PATJ: variants seen among roughly 807,000 people sequenced by gnomAD.
The protein encoded by PATJ is inaD-like protein.
Under a neutral mutation model 224.9 loss-of-function variants are expected in PATJ, and 190 were observed. That is an observed-to-expected ratio of 0.84 (90% confidence interval 0.75 to 0.95). The LOEUF is 0.95. Ranked by LOEUF, PATJ falls within the 40% of genes least tolerant of loss-of-function variation. The pLI is 0.00. For missense variants in PATJ, 2,121 were observed against 2,270.3 expected (o/e 0.93, Z 1.34); for synonymous variants, 769 against 820.3 (o/e 0.94, Z 1.07).
intron 38 of PATJ, 44 bp downstream of exon 38, chr1:62,121,339 A>T (rs1665021977): frequency 9.7e-7 from 1 of 1,034,364 alleles, no homozygotes; most frequent in Non-Finnish European, 1.4e-6. Context: ...CTGTTACCCA[A>T]ATTAAAAAAA....
In PATJ at chr1:61,864,319, C is replaced by A. The variant is rs1665074585; in HGVS notation, c.2521C>A (p.Gln841Lys). 5 of 1,613,680 alleles carry A rather than the reference C, an allele frequency of 3.1e-6. No homozygotes were observed. The highest frequency in any genetic ancestry group is 4.2e-6 in the Non-Finnish European group (5 of 1,179,806). ...LDLGKSFHSQ[Q>K]KEIEQSKEAW... is the part of the protein sequence containing the mutation. ...TCTGGGAAAGTCTTTCCATTCCCAA[C>A]AAAAAGAGATAGAGCAAAGCAAGGA... is the stretch of plus-strand genomic sequence containing the variant. The change falls in exon 20 of 44, where the codon CAA (glutamine) becomes AAA (lysine). Residue 841 changes from glutamine to lysine, a missense_variant. Transcript: ENST00000642238.
At chr1:62,023,352 G>T (rs1303360467) in intron 29 of PATJ, among the ~76,000 whole-genome samples, 2 of 151,688 alleles carry the variant, frequency 1.3e-5, no homozygotes, top group Non-Finnish European at 2.9e-5. Flanking sequence ...TGGTAAACAG[G>T]AAAAAAGAAT....
In PATJ at chr1:61,769,345, G is replaced by A; in HGVS notation, c.447G>A (p.Val149=). 2 of 1,614,004 alleles carry A rather than the reference G, an allele frequency of 1.2e-6. No individual in the cohort carries two copies. Among genetic ancestry groups the A allele is most frequent in the South Asian group, 1.1e-5 (1 of 91,080 alleles). ...RPSTGGLGFS[V]VALRSQNLGK... ...CAACTGGAGGCCTTGGATTCAGTGT[G>A]GTGGCCCTCAGAAGTCAAAATCTCG... Residue 149 remains valine, a synonymous_variant, in exon 5 of 44, where the codon GTG becomes GTA. Transcript: ENST00000642238.
intron 31 of PATJ, among the ~76,000 whole-genome samples, chr1:62,075,146 T>C (rs1658084422): frequency 6.6e-6 from 1 of 152,240 alleles, no homozygotes; most frequent in Non-Finnish European, 1.5e-5. Flanking sequence ...TTTGGGAAAG[T>C]GATTTTAAGT....
At chr1:61,944,196 A>G (rs1268158917) in intron 27 of PATJ, among the ~76,000 whole-genome samples, 1 of 152,244 alleles carries the variant, frequency 6.6e-6, no homozygotes, top group Non-Finnish European at 1.5e-5. Flanking sequence ...CCTCACCAGC[A>G]ACGGAACAAA....
chr1:61,922,831 A>G (rs1166291476), intron 26 of PATJ, among the ~76,000 whole-genome samples: 2 of 152,252 alleles, frequency 1.3e-5, no homozygotes, highest in Non-Finnish European at 2.9e-5. Context: ...ACTGTGCAAC[A>G]ATCTGGGGAT....
chr1:62,154,302 T>C (rs1351042728), intron 43 of PATJ, among the ~76,000 whole-genome samples: 1 of 152,144 alleles, frequency 6.6e-6, no homozygotes, highest in Non-Finnish European at 1.5e-5. Context: ...AGTTTTTTTT[T>C]CTTCTTTGGT....
At position 62,114,114 on chromosome 1, in the gene PATJ, C is replaced by A. The variant is rs202201082; in HGVS notation, c.4523C>A (p.Thr1508Asn). 2 of 1,613,866 alleles carry A rather than the reference C, an allele frequency of 1.2e-6. No homozygotes were observed. Among genetic ancestry groups the A allele is most frequent in the South Asian group, 1.1e-5 (1 of 91,082 alleles). Reference sequence around the variant, plus strand: ...GAAGCCATCACAGCCCTGAGGCAGACCCCCCAGAAGGTGCGGCTGGTGGTG... The same window carrying A: ...GAAGCCATCACAGCCCTGAGGCAGAACCCCCAGAAGGTGCGGCTGGTGGTG... ...HEEAITALRQ[T>N]PQKVRLVVYR... The change falls in exon 35 of 44, where the codon ACC (threonine) becomes AAC (asparagine). Residue 1508 changes from threonine (T) to asparagine (N), a missense_variant. Physicochemically the swap from Thr to Asn is moderately conservative, Grantham distance 65. Coordinates refer to ENST00000642238, the MANE Select transcript of PATJ (RefSeq NM_001350145.3).
At chr1:62,121,080 G>A (rs1450664377) in intron 37 of PATJ, 101 bp from the exon 38 acceptor site, 11 of 706,532 alleles carry the variant, frequency 1.6e-5, no homozygotes, top group Non-Finnish European at 2.6e-5. Context: ...TCTGTTAGAT[G>A]GTTATGGTGA....
intron 29 of PATJ, among the ~76,000 whole-genome samples, chr1:62,035,909 G>A (rs1457674700): frequency 6.6e-6 from 1 of 152,092 alleles, no homozygotes; most frequent in Non-Finnish European, 1.5e-5. Context: ...AGAAATAGGA[G>A]TAAATCAGCC....
chr1:62,160,401 T>G (rs1248126217), intron 43 of PATJ, among the ~76,000 whole-genome samples: 2 of 152,176 alleles, frequency 1.3e-5, no homozygotes, highest in Admixed American at 1.3e-4. Context: ...GATAACAGCT[T>G]TATTGAGATA....
intron 34 of PATJ, among the ~76,000 whole-genome samples, 187 bp downstream of exon 34, chr1:62,108,707 A>G (rs114262345): frequency 1.1e-4 from 17 of 152,278 alleles, no homozygotes; most frequent in African/African-American, 3.6e-4. Context: ...CAGGTTATCA[A>G]TCTACATTTG....
At chr1:62,055,432 T>A (rs1654382678) in intron 31 of PATJ, among the ~76,000 whole-genome samples, 1 of 152,234 alleles carries the variant, frequency 6.6e-6, no homozygotes, top group Non-Finnish European at 1.5e-5. Flanking sequence ...CTAGACTACT[T>A]GGGTTCAAAT....
chr1:61,959,444 T>C (rs911397650), intron 27 of PATJ, among the ~76,000 whole-genome samples: 1 of 136,466 alleles, frequency 7.3e-6, no homozygotes, highest in Admixed American at 7.3e-5. Context: ...CTTTTCTTTT[T>C]TTTTTTTTTG....
chr1:61,971,437 C>T (rs1682954394), intron 27 of PATJ, among the ~76,000 whole-genome samples: 2 of 151,722 alleles, frequency 1.3e-5, no homozygotes, highest in Admixed American at 6.6e-5. Context: ...ATCACTTAAA[C>T]TCAGGGTCTC....
chr1:61,781,260 CT>C (rs1435966665), intron 7 of PATJ, among the ~76,000 whole-genome samples: 4 of 152,202 alleles, frequency 2.6e-5, no homozygotes, highest in Admixed American at 2.0e-4. Flanking sequence ...GTAGCCAGCT[CT>C]AGGAACAAGA....
At chr1:62,014,621 C>CTG (rs1329954857) in intron 28 of PATJ, among the ~76,000 whole-genome samples, 3 of 123,852 alleles carry the variant, frequency 2.4e-5, no homozygotes, top group Middle Eastern at 7.2e-3. Context: ...GGCTAGAGTG[C>CTG]TGTGGCACAA....
chr1:62,126,497 G>C (rs527625725), intron 39 of PATJ, among the ~76,000 whole-genome samples: 1 of 152,304 alleles, frequency 6.6e-6, no homozygotes, highest in South Asian at 2.1e-4. Flanking sequence ...TGCCATGCCA[G>C]AACTGGAACT....
At chr1:62,075,283 A>T (rs141823875) in intron 31 of PATJ, among the ~76,000 whole-genome samples, 2 of 152,322 alleles carry the variant, frequency 1.3e-5, no homozygotes, top group Non-Finnish European at 2.9e-5. Context: ...GAGCTTCTTC[A>T]TGGAAGTGGA....
Sources: gnomAD v4.1 joint callset for allele counts (sites outside exome capture counted in the v4.1 genomes callset) on GRCh38, gnomAD v4.1.1 for gene constraint, MANE v1.5 for transcripts, NCBI Gene and HGNC (gene_info 2026-07-23, HGNC 2026-07-21) for gene names.